Variants in RPS6KA2 observed in about 807,000 individuals in gnomAD.
RPS6KA2 encodes ribosomal protein S6 kinase A2.
RPS6KA2 carries 42 observed loss-of-function variants against 91.8 expected under a neutral mutation model. The ratio of observed to expected loss-of-function variants is 0.46; its 90% CI spans 0.36 to 0.59. The LOEUF (loss-of-function observed/expected upper bound fraction) is 0.59, where lower values mean the gene tolerates loss of function less well. Ranked by LOEUF, RPS6KA2 falls within the 20% of genes least tolerant of loss-of-function variation. RPS6KA2 has a pLI of 0.00. For synonymous variants in RPS6KA2, 414 were observed against 393.6 expected, an observed-to-expected ratio of 1.05 and a Z score of -0.61; for missense variants, 798 against 978.5, an observed-to-expected ratio of 0.82 and a Z score of 2.46.
rs749363783 is a variant in RPS6KA2 at position 166,498,496 on chromosome 6, G to A, written c.747+12C>T. On this transcript the variant is annotated intron_variant, in intron 8 of 20. Coordinates refer to ENST00000265678, the MANE Select transcript of RPS6KA2 (RefSeq NM_021135.6). ...GCCGCCATGGCACAGAAGAGGGTCGGGGCAGGCTCACCATGAGCACGCCGA... is the reference window on the plus strand; with the variant it reads ...GCCGCCATGGCACAGAAGAGGGTCGAGGCAGGCTCACCATGAGCACGCCGA... 1.2e-5 allele frequency: 19 copies of A among 1,603,460 alleles called. No individual in the cohort carries two copies. Among genetic ancestry groups the A allele is most frequent in the East Asian group, 2.2e-5 (1 of 44,648 alleles).
At chr6:166,613,808 T>TCCACAGCC (rs1467366025) in intron 1 of RPS6KA2, among the ~76,000 whole-genome samples, 1 of 149,798 alleles carries the variant, frequency 6.7e-6, no homozygotes, top group Non-Finnish European at 1.5e-5. Flanking sequence ...AGTCGGGCTT[T>TCCACAGCC]TCACGGCCTT....
intron 2 of RPS6KA2, among the ~76,000 whole-genome samples, chr6:166,783,307 G>A (rs1469691318): frequency 1.3e-5 from 2 of 151,822 alleles, no homozygotes; most frequent in Non-Finnish European, 2.9e-5. Context: ...AGTGGGCCTC[G>A]TCGAATCAGT....
At chr6:166,698,343 C>T (rs1271017065) in intron 2 of RPS6KA2, among the ~76,000 whole-genome samples, 1 of 152,156 alleles carries the variant, frequency 6.6e-6, no homozygotes, top group African/African-American at 2.4e-5. Flanking sequence ...TCTTAAAAAA[C>T]TTCTGTCTGG....
chr6:166,773,391 TTTTTGTTTTG>T (rs886585505), intron 2 of RPS6KA2, among the ~76,000 whole-genome samples: 43 of 151,920 alleles, frequency 2.8e-4, no homozygotes, highest in African/African-American at 9.7e-4. Flanking sequence ...TTTTCGTTTT[TTTTTGTTTTG>T]TTTTGTTTTG....
intron 2 of RPS6KA2, among the ~76,000 whole-genome samples, chr6:166,846,176 G>T (rs1337845834): frequency 6.6e-6 from 1 of 151,812 alleles, no homozygotes; most frequent in Non-Finnish European, 1.5e-5. Context: ...TAGAAACTCT[G>T]AACAGACCAA....
At chr6:166,791,006 C>T (rs1251272388) in intron 2 of RPS6KA2, among the ~76,000 whole-genome samples, 1 of 152,140 alleles carries the variant, frequency 6.6e-6, no homozygotes, top group African/African-American at 2.4e-5. Flanking sequence ...CAAATTCACA[C>T]ATAACAATAT....
chr6:166,554,108 G>A lies in RPS6KA2; in HGVS notation c.100-15324C>T, dbSNP rs906162123. ...GCAAGAACATTTGGAATTTTCTAGTGCAGTTCTTGGTGCTGCCATCACTGA... is the reference window on the plus strand; with the variant it reads ...GCAAGAACATTTGGAATTTTCTAGTACAGTTCTTGGTGCTGCCATCACTGA... On this transcript the variant is annotated intron_variant, in intron 1 of 20. Coordinates refer to ENST00000265678, the MANE Select transcript of RPS6KA2 (RefSeq NM_021135.6). The surrounding 1 kb of genome is among the most constrained non-coding windows in gnomAD (Gnocchi z 4.3). Among the ~76,000 whole-genome samples, 8 of 152,196 alleles carry A rather than the reference G, an allele frequency of 5.3e-5. No homozygotes were observed. Among genetic ancestry groups the A allele is most frequent in the African/African-American group, 1.9e-4 (8 of 41,448 alleles).
chr6:166,417,577 C>G (rs953744292), intron 19 of RPS6KA2, among the ~76,000 whole-genome samples: 1 of 152,012 alleles, frequency 6.6e-6, no homozygotes, highest in African/African-American at 2.4e-5. Flanking sequence ...CCCGTCCCCA[C>G]AATCACGTGA....
intron 1 of RPS6KA2, among the ~76,000 whole-genome samples, chr6:166,583,470 G>A (rs181988328): frequency 1.3e-5 from 2 of 152,352 alleles, no homozygotes; most frequent in African/African-American, 2.4e-5. Flanking sequence ...TGGTGGTGGA[G>A]AGCTTAAGCA....
chr6:166,787,024 T>A (rs577891082), intron 2 of RPS6KA2, among the ~76,000 whole-genome samples: 1 of 152,202 alleles, frequency 6.6e-6, no homozygotes. Flanking sequence ...TGTGCCAATA[T>A]GTGTATAGAA....
chr6:166,741,052 G>A (rs891180541), intron 2 of RPS6KA2, among the ~76,000 whole-genome samples: 5 of 152,250 alleles, frequency 3.3e-5, no homozygotes, highest in Admixed American at 1.3e-4. Flanking sequence ...AGATGAGGAG[G>A]TAATGCAGGC....
intron 2 of RPS6KA2, among the ~76,000 whole-genome samples, chr6:166,675,531 C>G (rs1379206699): frequency 6.6e-6 from 1 of 152,070 alleles, no homozygotes; most frequent in Non-Finnish European, 1.5e-5. Flanking sequence ...CCAGCCCCAG[C>G]GCGACGTGCT....
At chr6:166,688,911 A>G (rs1408457153) in intron 2 of RPS6KA2, among the ~76,000 whole-genome samples, 1 of 152,254 alleles carries the variant, frequency 6.6e-6, no homozygotes, top group East Asian at 1.9e-4. Context: ...TACATGCAAC[A>G]AAGTTAGAAT....
intron 2 of RPS6KA2, among the ~76,000 whole-genome samples, chr6:166,796,086 A>G (rs1779215343): frequency 6.6e-6 from 1 of 152,202 alleles, no homozygotes; most frequent in South Asian, 2.1e-4. Context: ...TTCTTATCTG[A>G]TGGAAAACAG....
intron 2 of RPS6KA2, among the ~76,000 whole-genome samples, chr6:166,723,794 G>C (rs913354640): frequency 6.7e-6 from 1 of 148,550 alleles, no homozygotes; most frequent in Admixed American, 6.7e-5. Flanking sequence ...TCTGCCTCCC[G>C]GTTCAAGCGA....
intron 2 of RPS6KA2, among the ~76,000 whole-genome samples, chr6:166,785,195 C>T (rs896101615): frequency 3.3e-5 from 5 of 152,288 alleles, no homozygotes; most frequent in Admixed American, 1.3e-4. Flanking sequence ...GACAATCTTC[C>T]GAATTCTTGA....
chr6:166,850,267 A>G (rs1391692059), intron 2 of RPS6KA2, among the ~76,000 whole-genome samples: 1 of 152,190 alleles, frequency 6.6e-6, no homozygotes, highest in Non-Finnish European at 1.5e-5. Context: ...CAATTTTCTA[A>G]CTGACACCTT....
At chr6:166,862,057 A>G (rs750922344) in intron 1 of RPS6KA2, 6 of 1,612,668 alleles carry the variant, frequency 3.7e-6, no homozygotes, top group Non-Finnish European at 4.2e-6. Context: ...TTGGCTGCAG[A>G]GTTCGGATTC....
intron 2 of RPS6KA2, among the ~76,000 whole-genome samples, chr6:166,774,333 C>T (rs1013384308): frequency 8.5e-5 from 13 of 152,150 alleles, no homozygotes; most frequent in African/African-American, 3.1e-4. Flanking sequence ...TTGATAGACT[C>T]GATATCAGCT....
Sources: gnomAD v4.1 joint callset for allele counts (sites outside exome capture counted in the v4.1 genomes callset) on GRCh38, gnomAD v4.1.1 for gene constraint, Gnocchi (gnomAD v3.1) non-coding constraint, MANE v1.5 for transcripts, NCBI Gene and HGNC (gene_info 2026-07-23, HGNC 2026-07-21) for gene names.